SSBP2: variants seen among roughly 807,000 people sequenced by gnomAD.
The protein encoded by SSBP2 is single stranded DNA binding protein 2.
In SSBP2, 17 loss-of-function variants were observed where a neutral mutation model predicts 61.8. The observed-to-expected ratio is 0.28, with a 90% CI of 0.19 to 0.41. The LOEUF is 0.41. SSBP2 is among the 10% of genes least tolerant of loss of function. The probability of loss-of-function intolerance (pLI) is 1.00; values close to 1 mark genes in which losing one functional copy is unlikely to be tolerated. For missense variants in SSBP2, 310 were observed against 458.7 expected, an observed-to-expected ratio of 0.68 and a Z score of 2.96; for synonymous variants, 139 against 141.3, an observed-to-expected ratio of 0.98 and a Z score of 0.12.
chr5:81,463,530 T>A (rs986885479), intron 9 of SSBP2, among the ~76,000 whole-genome samples: 2 of 152,048 alleles, frequency 1.3e-5, no homozygotes, highest in Admixed American at 6.6e-5. Flanking sequence ...CGAAACCCCA[T>A]CTACACAAAA....
At chr5:81,429,942 A>G (rs1249596142) in intron 15 of SSBP2, among the ~76,000 whole-genome samples, 2 of 152,168 alleles carry the variant, frequency 1.3e-5, no homozygotes, top group Non-Finnish European at 2.9e-5. Flanking sequence ...AACCCCAAGG[A>G]CTTGGGAAAT....
At chr5:81,581,324 C>T (rs1774628554) in intron 4 of SSBP2, among the ~76,000 whole-genome samples, 1 of 152,156 alleles carries the variant, frequency 6.6e-6, no homozygotes, top group Non-Finnish European at 1.5e-5. Flanking sequence ...GCTTGAGCGG[C>T]ATTTGGGTTA....
intron 1 of SSBP2, among the ~76,000 whole-genome samples, chr5:81,670,519 A>G (rs1306736003): frequency 6.6e-6 from 1 of 152,184 alleles, no homozygotes. Flanking sequence ...GTTTACTGTA[A>G]CAATAAGTTA....
At chr5:81,450,283 A>G (rs1415737179) in intron 10 of SSBP2, among the ~76,000 whole-genome samples, 3 of 151,948 alleles carry the variant, frequency 2.0e-5, no homozygotes, top group Non-Finnish European at 4.4e-5. Flanking sequence ...TGACCTCCCA[A>G]AGTGTCAGGA....
chr5:81,542,930 C>T (rs1274073837), intron 4 of SSBP2, among the ~76,000 whole-genome samples: 1 of 151,692 alleles, frequency 6.6e-6, no homozygotes, highest in Non-Finnish European at 1.5e-5. Context: ...TCTCGACTCA[C>T]TGCAACCTCT....
At chr5:81,515,484 C>T (rs2154085810) in intron 4 of SSBP2, among the ~76,000 whole-genome samples, 1 of 152,026 alleles carries the variant, frequency 6.6e-6, no homozygotes, top group Non-Finnish European at 1.5e-5. Context: ...TACTGAATTA[C>T]TAAAACTTTT....
chr5:81,484,542 G>T (rs1236762125), intron 6 of SSBP2, among the ~76,000 whole-genome samples: 1 of 151,756 alleles, frequency 6.6e-6, no homozygotes, highest in African/African-American at 2.4e-5. Flanking sequence ...TGTTGGATTT[G>T]AAATAATAAT....
At chr5:81,707,924 C>T (rs35402816) in intron 1 of SSBP2, among the ~76,000 whole-genome samples, 2,067 of 152,214 alleles carry the variant, frequency 0.014, 23 homozygotes, top group Non-Finnish European at 0.019. Flanking sequence ...TTACTTAACA[C>T]ACGTTGCTTT....
intron 3 of SSBP2, among the ~76,000 whole-genome samples, chr5:81,635,098 T>C (rs1456051006): frequency 6.6e-6 from 1 of 152,166 alleles, no homozygotes; most frequent in Non-Finnish European, 1.5e-5. Context: ...GCAATAAACC[T>C]TCTAGGTTTG....
At chr5:81,575,198 G>A (rs184130797) in intron 4 of SSBP2, among the ~76,000 whole-genome samples, 1 of 152,176 alleles carries the variant, frequency 6.6e-6, no homozygotes, top group African/African-American at 2.4e-5. Context: ...AACTCGGGAG[G>A]TGGAGGTTGC....
chr5:81,538,582 G>A (rs957189354), intron 4 of SSBP2, among the ~76,000 whole-genome samples: 2 of 152,214 alleles, frequency 1.3e-5, no homozygotes, highest in African/African-American at 4.8e-5. Flanking sequence ...AAGAGCAGAA[G>A]TCAATGCATG....
At chr5:81,672,143 T>C (rs1751623646) in intron 1 of SSBP2, among the ~76,000 whole-genome samples, 2 of 152,174 alleles carry the variant, frequency 1.3e-5, no homozygotes, top group South Asian at 2.1e-4. Context: ...TTATAGCTTA[T>C]ATAATGCTTC....
chr5:81,445,659 T>C (rs899652439), intron 12 of SSBP2, among the ~76,000 whole-genome samples: 3 of 152,100 alleles, frequency 2.0e-5, no homozygotes, highest in Admixed American at 6.6e-5. Context: ...TTTTTCTAAA[T>C]TGAAAGGGCT....
In SSBP2 at chr5:81,418,763, TA is replaced by T. The variant is rs1364642035; in HGVS notation, c.*1740del. On this transcript the variant is annotated 3_prime_UTR_variant, in exon 17 of 17. Transcript: ENST00000320672. ...GTATCTAAGCATAGAAAAGATATGC[TA>T]AAAATATGGTATTATAATCTTATAG... 1 of 152,240 alleles carries T rather than the reference TA, an allele frequency of 6.6e-6. No individual in the cohort carries two copies. The highest frequency in any genetic ancestry group is 2.4e-5 in the African/African-American group (1 of 41,466). The allele number at this position is 152,240 out of a possible 1,614,324, so 9.4% of individuals were successfully genotyped here. A position where few individuals can be genotyped will look rare whatever the true frequency, so the allele number is the denominator to read the frequency against.
At chr5:81,750,463 C>A (rs971704408) in intron 1 of SSBP2, among the ~76,000 whole-genome samples, 11 of 145,728 alleles carry the variant, frequency 7.5e-5, no homozygotes, top group Non-Finnish European at 1.5e-5. Flanking sequence ...TCGCCCCGCG[C>A]TCGCGGCCCT....
At chr5:81,723,720 C>T (rs1204332176) in intron 1 of SSBP2, among the ~76,000 whole-genome samples, 1 of 151,940 alleles carries the variant, frequency 6.6e-6, no homozygotes, top group South Asian at 2.1e-4. Flanking sequence ...CATCTCAATA[C>T]CTCCTATAGA....
chr5:81,442,168 T>C lies in SSBP2; in HGVS notation c.849+485A>G, dbSNP rs1763080947. On this transcript the variant is annotated intron_variant, in intron 13 of 16. Coordinates refer to ENST00000320672, the MANE Select transcript of SSBP2 (RefSeq NM_012446.5). ...GTGGAAAAATCATGACTATATGCTTTATTAAGAACACCCAAGTTCTTCCTG... is the reference window on the plus strand; with the variant it reads ...GTGGAAAAATCATGACTATATGCTTCATTAAGAACACCCAAGTTCTTCCTG... Among the ~76,000 whole-genome samples the C allele has an allele frequency of 2.0e-5, 3 of 152,134 alleles. No individual in the cohort carries two copies. The South Asian group carries it at 6.2e-4, about 31-fold the overall frequency.
chr5:81,700,315 A>G (rs901374187), intron 1 of SSBP2, among the ~76,000 whole-genome samples: 1 of 152,186 alleles, frequency 6.6e-6, no homozygotes, highest in Non-Finnish European at 1.5e-5. Flanking sequence ...AAAAGAAAGA[A>G]ATAGTCTTTC....
chr5:81,609,089 TTC>T (rs1437460342), intron 4 of SSBP2, among the ~76,000 whole-genome samples: 2 of 152,188 alleles, frequency 1.3e-5, no homozygotes, highest in African/African-American at 2.4e-5. Flanking sequence ...TGATTGGGTG[TTC>T]TCTCATTCCT....
Sources: gnomAD v4.1 joint callset for allele counts (sites outside exome capture counted in the v4.1 genomes callset) on GRCh38, gnomAD v4.1.1 for gene constraint, MANE v1.5 for transcripts, NCBI Gene and HGNC (gene_info 2026-07-23, HGNC 2026-07-21) for gene names.